The following SMYD4 variants were observed in gnomAD, a reference collection of about 807,000 sequenced individuals.
SMYD4 encodes protein-lysine N-methyltransferase SMYD4.
Under a neutral mutation model 72.8 loss-of-function variants are expected in SMYD4, and 68 were observed. That is an observed-to-expected ratio of 0.93 (90% CI 0.77 to 1.14). The LOEUF is 1.14. SMYD4 is among the 50% of genes most tolerant of loss of function. The pLI is 0.00. For missense variants in SMYD4, 984 were observed against 1,003.7 expected, an observed-to-expected ratio of 0.98 and a Z score of 0.27; for synonymous variants, 407 against 388.6, an observed-to-expected ratio of 1.05 and a Z score of -0.56.
chr17:1,823,957 C>T (rs948806802), intron 2 of SMYD4, among the ~76,000 whole-genome samples: 5 of 152,168 alleles, frequency 3.3e-5, no homozygotes, highest in African/African-American at 9.7e-5. Flanking sequence ...GAAAATAGAT[C>T]TCCCTTCAGA....
chr17:1,783,393 C>T lies in SMYD4; in HGVS notation c.2104G>A (p.Ala702Thr), dbSNP rs1488162394. 10 of 1,612,504 alleles carry T rather than the reference C, an allele frequency of 6.2e-6. No individual in the cohort carries two copies. Among genetic ancestry groups the T allele is most frequent in the Admixed American group, 1.7e-5 (1 of 60,006 alleles). Residue 702 changes from alanine (A) to threonine (T), a missense_variant, in exon 9 of 11, where the codon GCG (alanine) becomes ACG (threonine). By Grantham distance (58) the Ala-to-Thr change is moderately conservative. Coordinates refer to ENST00000305513, the MANE Select transcript of SMYD4 (RefSeq NM_052928.3). Reference sequence around the variant, plus strand: ...GCACAGGCCCGGGCCAGGCCATCCGCGATCTCTCCCACCACGGCGTGCTCT... The same window carrying T: ...GCACAGGCCCGGGCCAGGCCATCCGTGATCTCTCCCACCACGGCGTGCTCT... ...WAEHAVVGEI[A>T]DGLARACAAL...
intron 7 of SMYD4, among the ~76,000 whole-genome samples, chr17:1,785,382 C>T (rs1416085361): frequency 1.4e-5 from 2 of 144,020 alleles, no homozygotes; most frequent in African/African-American, 2.6e-5. Context: ...GCCGAGATTG[C>T]ACCACTGCAC....
chr17:1,819,258 G>A (rs891938301), intron 2 of SMYD4, among the ~76,000 whole-genome samples: 1 of 152,170 alleles, frequency 6.6e-6, no homozygotes, highest in Non-Finnish European at 1.5e-5. Context: ...CCAGGAGGCC[G>A]AGGCAGGAGA....
At chr17:1,826,072 T>A (rs1251432456) in intron 2 of SMYD4, among the ~76,000 whole-genome samples, 1 of 152,028 alleles carries the variant, frequency 6.6e-6, no homozygotes, top group Non-Finnish European at 1.5e-5. Flanking sequence ...CAACAAATAG[T>A]AACTTACATA....
intron 5 of SMYD4, among the ~76,000 whole-genome samples, chr17:1,791,770 C>T (rs1327443138): frequency 2.0e-5 from 3 of 151,996 alleles, no homozygotes; most frequent in Admixed American, 1.3e-4. Flanking sequence ...GCCTGTAATC[C>T]CAGCACTTTG....
chr17:1,786,801 G>A lies in SMYD4; in HGVS notation c.1884+9C>T. On this transcript the variant is annotated intron_variant, in intron 7 of 10. Coordinates refer to ENST00000305513, the MANE Select transcript of SMYD4 (RefSeq NM_052928.3). ...CAGGAAAAGTGGAGGAGACAGAAGA[G>A]AGAATTACCTGCATGGGCGCTCCGC... is the stretch of plus-strand genomic sequence containing the variant. 2 of 1,614,062 alleles carry A rather than the reference G, an allele frequency of 1.2e-6. No homozygotes were observed. Among genetic ancestry groups the A allele is most frequent in the Non-Finnish European group, 1.7e-6 (2 of 1,179,956 alleles).
chr17:1,786,384 A>AT (rs990584627), intron 7 of SMYD4, among the ~76,000 whole-genome samples: 9 of 151,760 alleles, frequency 5.9e-5, no homozygotes, highest in Non-Finnish European at 7.4e-5. Context: ...TTCTCATAAC[A>AT]TTTTTTTTGG....
rs1909720769 is a variant in SMYD4, at chr17:1,801,037, A to G, written c.370-13T>C. 2 of 1,581,378 alleles carry G rather than the reference A, an allele frequency of 1.3e-6. No individual in the cohort carries two copies. Among genetic ancestry groups the G allele is most frequent in the Non-Finnish European group, 8.6e-7 (1 of 1,158,194 alleles). Reference sequence around the variant, plus strand: ...CTTTAAGACACGTCTGAAAACAGAAAGAAAATCCCACAATGACCCTTGGTC... The same window carrying G: ...CTTTAAGACACGTCTGAAAACAGAAGGAAAATCCCACAATGACCCTTGGTC... On this transcript the variant is annotated splice_polypyrimidine_tract_variant and intron_variant, in intron 4 of 10. Coordinates refer to ENST00000305513, the MANE Select transcript of SMYD4 (RefSeq NM_052928.3).
chr17:1,787,346 T>C (rs773552778), intron 6 of SMYD4, 76 bp downstream of exon 6: 1 of 1,524,376 alleles, frequency 6.6e-7, no homozygotes, highest in Non-Finnish European at 8.9e-7. Flanking sequence ...GTCACATGCC[T>C]GGTGGCTTGC....
chr17:1,789,718 TCG>T (rs1362222078), intron 5 of SMYD4, among the ~76,000 whole-genome samples: 1 of 131,184 alleles, frequency 7.6e-6, no homozygotes, highest in East Asian at 2.3e-4. Flanking sequence ...TGAGCCGAGA[TCG>T]CACCACTGCA....
chr17:1,788,320 C>A (rs1908816170), intron 5 of SMYD4, among the ~76,000 whole-genome samples: 1 of 151,774 alleles, frequency 6.6e-6, no homozygotes, highest in South Asian at 2.1e-4. Context: ...CCACTGCACT[C>A]CAGCCTGGGT....
At position 1,828,307 on chromosome 17, in the gene SMYD4, C is replaced by T. The variant is rs541049676; in HGVS notation, c.-12-301G>A. Among the ~76,000 whole-genome samples the T allele has an allele frequency of 3.3e-5, 5 of 149,912 alleles. No individual in the cohort carries two copies. The South Asian group carries it at 6.3e-4, about 19-fold the overall frequency. On this transcript the variant is annotated intron_variant, in intron 1 of 10. Coordinates refer to ENST00000305513, the MANE Select transcript of SMYD4 (RefSeq NM_052928.3). ...CGGAGGTTGCAGTGAGCTGAGATCA[C>T]GCCATTGCACTCCAGCCTGGGTGAC...
intron 2 of SMYD4, 135 bp downstream of exon 2, chr17:1,827,726 A>G: frequency 8.1e-7 from 1 of 1,230,508 alleles, no homozygotes; most frequent in African/African-American, 1.5e-5. Context: ...GCTTGAGCCC[A>G]GAAATTTGAG....
intron 5 of SMYD4, among the ~76,000 whole-genome samples, chr17:1,795,958 G>C (rs943675819): frequency 6.6e-6 from 1 of 151,808 alleles, no homozygotes; most frequent in African/African-American, 2.4e-5. Flanking sequence ...TGCTTCTACT[G>C]TTTCTTCTAT....
chr17:1,825,375 G>A (rs547745364), intron 2 of SMYD4, among the ~76,000 whole-genome samples: 2 of 152,122 alleles, frequency 1.3e-5, no homozygotes, highest in African/African-American at 4.8e-5. Context: ...AGTGCAGAAG[G>A]ATTAGAGAGC....
chr17:1,824,787 T>C (rs1183126118), intron 2 of SMYD4, among the ~76,000 whole-genome samples: 1 of 149,568 alleles, frequency 6.7e-6, no homozygotes, highest in Non-Finnish European at 1.5e-5. Context: ...GCCTGGCTAA[T>C]TTTTTTTTTG....
intron 2 of SMYD4, among the ~76,000 whole-genome samples, chr17:1,827,235 G>A (rs9903198): frequency 0.19 from 28,042 of 151,286 alleles, 2,655 homozygotes; most frequent in Middle Eastern, 0.2. Flanking sequence ...CCAAATACTC[G>A]GGAAGCTGAG....
rs1909715522 is a variant in SMYD4 at position 1,800,985 on chromosome 17, A to G, written c.409T>C (p.Tyr137His). 3.1e-6 allele frequency: 5 copies of G among 1,613,704 alleles called. No homozygotes were observed. The East Asian group carries it at 1.1e-4, about 36-fold the overall frequency. Residue 137 changes from tyrosine to histidine, a missense_variant, in exon 5 of 11, where the codon TAT becomes CAT. Coordinates refer to ENST00000305513, the MANE Select transcript of SMYD4 (RefSeq NM_052928.3). ...ATCTTGGGTTGCAACCTTTCTGGAT[A>G]CCCATGTGTCTGTGCTCTGTTAATG... ...KDINRAQTHGYPERLQPKIML... is the reference protein window; with the variant it reads ...KDINRAQTHGHPERLQPKIML...
intron 4 of SMYD4, among the ~76,000 whole-genome samples, chr17:1,803,620 C>G (rs574110434): frequency 6.6e-6 from 1 of 152,234 alleles, no homozygotes; most frequent in African/African-American, 2.4e-5. Context: ...CTGCCTCAGC[C>G]TCCTGAGTAG....
Sources: gnomAD v4.1 joint callset for allele counts (sites outside exome capture counted in the v4.1 genomes callset) on GRCh38, gnomAD v4.1.1 for gene constraint, MANE v1.5 for transcripts, NCBI Gene and HGNC (gene_info 2026-07-23, HGNC 2026-07-21) for gene names.